The following PRKAR2B variants were observed in gnomAD, a reference collection of about 807,000 sequenced individuals.
PRKAR2B encodes the protein cAMP-dependent protein kinase type II-beta regulatory subunit.
In PRKAR2B, 14 loss-of-function variants were observed where a neutral mutation model predicts 49.9. That is an observed-to-expected ratio of 0.28 (90% CI 0.19 to 0.44). The LOEUF (loss-of-function observed/expected upper bound fraction) is 0.44. PRKAR2B is among the 20% of genes least tolerant of loss of function. PRKAR2B has a pLI of 1.00. For synonymous variants in PRKAR2B, 196 were observed against 197.7 expected (o/e 0.99, Z 0.07); for missense variants, 393 against 537.9 (o/e 0.73, Z 2.67).
Position 107,072,208 on chromosome 7 carries a change from G to A in PRKAR2B, c.343+1892G>A, listed in dbSNP as rs561462741. 9.5e-4 allele frequency among the ~76,000 whole-genome samples: 144 copies of A among 151,872 alleles called. 1 individual carries two copies. Among genetic ancestry groups the A allele is most frequent in the African/African-American group, 3.3e-3 (137 of 41,486 alleles). On this transcript the variant is annotated intron_variant, in intron 2 of 10. Transcript: ENST00000265717. ...CCCAGAATGACAGGTAATAAGAAATGTCAGTGAAAACAACAGGAAACAGTT... is the reference window on the plus strand; with the variant it reads ...CCCAGAATGACAGGTAATAAGAAATATCAGTGAAAACAACAGGAAACAGTT...
intron 1 of PRKAR2B, among the ~76,000 whole-genome samples, chr7:107,068,130 C>T (rs1277888157): frequency 1.4e-4 from 21 of 152,098 alleles, no homozygotes; most frequent in South Asian, 1.2e-3. Context: ...TTCTAGATAG[C>T]GATGCCACCT....
intron 2 of PRKAR2B, among the ~76,000 whole-genome samples, chr7:107,076,560 G>A (rs116431434): frequency 0.019 from 2,832 of 152,116 alleles, 94 homozygotes; most frequent in African/African-American, 0.062. Flanking sequence ...CCCCACCGAC[G>A]TCCATGAAAT....
chr7:107,136,164 CA>C (rs569331977), intron 4 of PRKAR2B, among the ~76,000 whole-genome samples: 48 of 152,128 alleles, frequency 3.2e-4, no homozygotes, highest in Middle Eastern at 3.4e-3. Context: ...TTATTTTTCA[CA>C]AAAATTAACT....
chr7:107,148,480 T>C (rs1795931252), intron 6 of PRKAR2B, among the ~76,000 whole-genome samples: 1 of 152,226 alleles, frequency 6.6e-6, no homozygotes, highest in Non-Finnish European at 1.5e-5. Context: ...TTTCAGAGCT[T>C]TTTAGTAGTC....
At chr7:107,063,876 C>T (rs1005369604) in intron 1 of PRKAR2B, among the ~76,000 whole-genome samples, 2 of 152,130 alleles carry the variant, frequency 1.3e-5, no homozygotes, top group African/African-American at 4.8e-5. Flanking sequence ...TCCAGCTTTT[C>T]CGGTGTTCTT....
chr7:107,082,341 TCCC>T (rs1055645017), intron 2 of PRKAR2B, among the ~76,000 whole-genome samples: 1 of 152,196 alleles, frequency 6.6e-6, no homozygotes, highest in Non-Finnish European at 1.5e-5. Context: ...TATTTATCAT[TCCC>T]CCCATTTGTG....
intron 1 of PRKAR2B, among the ~76,000 whole-genome samples, chr7:107,068,339 A>T (rs1002200473): frequency 1.3e-5 from 2 of 152,046 alleles, no homozygotes; most frequent in Non-Finnish European, 2.9e-5. Context: ...TTTAACCTTC[A>T]TCTTGCCTAT....
intron 10 of PRKAR2B, among the ~76,000 whole-genome samples, chr7:107,157,592 C>G (rs113632479): frequency 5.3e-5 from 8 of 152,148 alleles, no homozygotes; most frequent in Admixed American, 5.2e-4. Flanking sequence ...CCAAGTACCA[C>G]GTTTTATATG....
At chr7:107,080,648 A>G (rs1794497399) in intron 2 of PRKAR2B, among the ~76,000 whole-genome samples, 1 of 152,182 alleles carries the variant, frequency 6.6e-6, no homozygotes, top group South Asian at 2.1e-4. Flanking sequence ...TTTAGATTAT[A>G]ATTTATTCAC....
chr7:107,122,347 C>T (rs572811295), intron 3 of PRKAR2B, among the ~76,000 whole-genome samples: 9 of 152,242 alleles, frequency 5.9e-5, no homozygotes, highest in South Asian at 2.1e-4. Flanking sequence ...TTTATAACAA[C>T]GGAAAGTTAC....
rs11414978 is a variant in PRKAR2B, at chr7:107,144,786, CT to C, written c.588-1495del. ...AATAATTTTCTAATGTTAAAAGCCA[CT>C]TTTTTTTTTTTTTTTTTTTTTTTTT... is the stretch of plus-strand genomic sequence containing the variant. On this transcript the variant is annotated intron_variant, in intron 5 of 10. Coordinates refer to ENST00000265717, the MANE Select transcript of PRKAR2B (RefSeq NM_002736.3). 6.3e-3 allele frequency among the ~76,000 whole-genome samples: 515 copies of C among 81,898 alleles called. 10 individuals carry two copies. Among genetic ancestry groups the C allele is most frequent in the African/African-American group, 0.019 (349 of 18,406 alleles). The allele number at this position is 81,898 out of a possible 152,430, so 53.7% of individuals were successfully genotyped here.
intron 6 of PRKAR2B, among the ~76,000 whole-genome samples, chr7:107,150,698 TA>T (rs58258955): frequency 0.013 from 1,846 of 140,232 alleles, 19 homozygotes; most frequent in African/African-American, 0.042. Flanking sequence ...ATGCTTTCTT[TA>T]AAAAAAAAAA....
At chr7:107,094,119 G>C (rs1794789830) in intron 2 of PRKAR2B, among the ~76,000 whole-genome samples, 1 of 152,176 alleles carries the variant, frequency 6.6e-6, no homozygotes, top group Non-Finnish European at 1.5e-5. Flanking sequence ...CTAGTTTACA[G>C]TCCCACCAAC....
At chr7:107,132,910 T>C (rs1331288117) in intron 4 of PRKAR2B, among the ~76,000 whole-genome samples, 1 of 152,224 alleles carries the variant, frequency 6.6e-6, no homozygotes, top group African/African-American at 2.4e-5. Flanking sequence ...TTTGAAGATA[T>C]TCTTTTCATG....
intron 2 of PRKAR2B, among the ~76,000 whole-genome samples, chr7:107,074,081 A>G (rs1215008497): frequency 6.6e-6 from 1 of 151,932 alleles, no homozygotes; most frequent in Non-Finnish European, 1.5e-5. Flanking sequence ...ATAAAATAAA[A>G]TAAAGTAACA....
intron 2 of PRKAR2B, among the ~76,000 whole-genome samples, chr7:107,121,508 A>G (rs969544429): frequency 4.9e-4 from 75 of 152,256 alleles, no homozygotes; most frequent in African/African-American, 1.6e-3. Context: ...CCAAAACGTT[A>G]ATATTTGTCG....
At chr7:107,126,251 C>CAAAAAAAA (rs528961832) in intron 3 of PRKAR2B, among the ~76,000 whole-genome samples, 2 of 85,470 alleles carry the variant, frequency 2.3e-5, no homozygotes, top group African/African-American at 8.5e-5. Context: ...ATACAAAATA[C>CAAAAAAAA]AAAAAAAAAA....
chr7:107,045,341 C>T, intron 1 of PRKAR2B, 127 bp downstream of exon 1: 1 of 798,648 alleles, frequency 1.3e-6, no homozygotes, highest in Non-Finnish European at 1.9e-6. Flanking sequence ...CTTTCCCTAC[C>T]TTCCCATCTC....
In PRKAR2B at chr7:107,146,368, T is replaced by C. The variant is rs907421366; in HGVS notation, c.648T>C (p.Asp216=). 3.7e-6 allele frequency: 6 copies of C among 1,614,084 alleles called. No homozygotes were observed. The African/African-American group carries it at 6.7e-5, about 18-fold the overall frequency. ...DGVGRCVGNY[D]NRGSFGELAL... ...TTGGAAGATGTGTTGGTAACTATGA[T>C]AATCGTGGGAGTTTCGGCGAACTGG... The change falls in exon 6 of 11, where the codon GAT becomes GAC. Residue 216 remains aspartate (D), a synonymous_variant. Transcript: ENST00000265717.
Sources: gnomAD v4.1 joint callset for allele counts (sites outside exome capture counted in the v4.1 genomes callset) on GRCh38, gnomAD v4.1.1 for gene constraint, MANE v1.5 for transcripts, NCBI Gene and HGNC (gene_info 2026-07-23, HGNC 2026-07-21) for gene names.